Variants in DLGAP4 observed in about 807,000 individuals in gnomAD.
The protein encoded by DLGAP4 is disks large-associated protein 4.
In DLGAP4, 18 loss-of-function variants were observed where a neutral mutation model predicts 86.9. That is an observed-to-expected ratio of 0.21 (90% CI 0.14 to 0.31). The LOEUF is 0.31. Ranked by LOEUF, DLGAP4 falls within the 10% of genes least tolerant of loss-of-function variation. The pLI is 1.00. For synonymous variants in DLGAP4, 548 were observed against 574.3 expected (o/e 0.95, Z 0.65); for missense variants, 1,085 against 1,362.6 (o/e 0.80, Z 3.21).
chr20:36,500,342 G>A lies in DLGAP4; in HGVS notation c.2243G>A (p.Gly748Asp), dbSNP rs1217489147. Residue 748 changes from glycine to aspartate, a missense_variant, in exon 10 of 13, where the codon GGT (glycine) becomes GAT (aspartate). This residue lies in a region of DLGAP4 where 1,082 missense variants were observed against 1,344.1 expected (regional missense o/e 0.81). Coordinates refer to ENST00000339266, the MANE Select transcript of DLGAP4 (RefSeq NM_001365621.2). This position sits in a 1 kb window ranked among gnomAD's most constrained non-coding sequence, Gnocchi z 4.6. Reference protein sequence around the residue: ...PHPNSISIDAGPRQAPKIAQI... With the variant: ...PHPNSISIDADPRQAPKIAQI... ...CCCAACTCCATCAGCATCGATGCCGGTCCCCGGCAGGCCCCCAAGATTGCC... is the reference window on the plus strand; with the variant it reads ...CCCAACTCCATCAGCATCGATGCCGATCCCCGGCAGGCCCCCAAGATTGCC... 5 of 1,613,444 alleles carry A rather than the reference G, an allele frequency of 3.1e-6. No homozygotes were observed. Among genetic ancestry groups the A allele is most frequent in the Admixed American group, 1.7e-5 (1 of 59,906 alleles).
intron 6 of DLGAP4, among the ~76,000 whole-genome samples, chr20:36,445,361 G>A (rs565274373): frequency 6.4e-4 from 97 of 152,054 alleles, no homozygotes; most frequent in Non-Finnish European, 1.1e-3. Context: ...AAAATTAGCC[G>A]GGCATGGTGG....
chr20:36,454,745 A>T (rs904680980), intron 7 of DLGAP4, among the ~76,000 whole-genome samples: 2 of 152,210 alleles, frequency 1.3e-5, no homozygotes, highest in Non-Finnish European at 2.9e-5. Context: ...GGTCCTGTGC[A>T]GGCCGGTGGG....
chr20:36,372,409 C>A (rs943794355), intron 2 of DLGAP4, among the ~76,000 whole-genome samples: 3 of 152,142 alleles, frequency 2.0e-5, no homozygotes, highest in Non-Finnish European at 2.9e-5. Flanking sequence ...TCAGCACCAA[C>A]CCACACCCCG....
chr20:36,370,611 G>A (rs780109142), intron 2 of DLGAP4, among the ~76,000 whole-genome samples: 4 of 152,072 alleles, frequency 2.6e-5, no homozygotes, highest in African/African-American at 4.8e-5. Context: ...GAGGCCAAGA[G>A]TTCAAGACCA....
At chr20:36,480,972 C>T (rs1048920620) in intron 7 of DLGAP4, among the ~76,000 whole-genome samples, 12 of 152,100 alleles carry the variant, frequency 7.9e-5, no homozygotes, top group African/African-American at 7.2e-5. Context: ...TACCACTGCA[C>T]TCCAGCCTGG....
intron 7 of DLGAP4, among the ~76,000 whole-genome samples, chr20:36,466,620 T>A (rs1451227794): frequency 6.6e-6 from 1 of 152,244 alleles, no homozygotes; most frequent in Non-Finnish European, 1.5e-5. Context: ...TGGAATCAGC[T>A]GTGTTAACAG....
At position 36,343,619 on chromosome 20, in the gene DLGAP4, A is replaced by AC. The variant is rs148277970; in HGVS notation, c.-303-23417dup. Among the ~76,000 whole-genome samples the AC allele has an allele frequency of 5.0e-3, 744 of 149,150 alleles. 4 individuals carry two copies. The highest frequency in any genetic ancestry group is 0.013 in the African/African-American group (525 of 40,592). On this transcript the variant is annotated intron_variant, in intron 1 of 12. Transcript: ENST00000339266. ...AAATGGATTTTTGAGGCTACCAGGT[A>AC]CCCCCCCCCAACCCCCCGTTGGGTG...
intron 12 of DLGAP4, among the ~76,000 whole-genome samples, chr20:36,526,366 T>TG: frequency 6.6e-6 from 1 of 152,194 alleles, no homozygotes; most frequent in East Asian, 1.9e-4. Context: ...TCTGTGACCT[T>TG]GTGGTAGCCA....
intron 7 of DLGAP4, among the ~76,000 whole-genome samples, chr20:36,493,535 C>T (rs1028247497): frequency 3.9e-5 from 6 of 152,220 alleles, no homozygotes; most frequent in African/African-American, 1.4e-4. Flanking sequence ...GCCTCTGCCT[C>T]CGTCGAGGCC....
At chr20:36,436,940 T>C (rs1054001311) in intron 4 of DLGAP4, among the ~76,000 whole-genome samples, 2 of 152,060 alleles carry the variant, frequency 1.3e-5, no homozygotes, top group Non-Finnish European at 2.9e-5. Flanking sequence ...GAAAACCTCT[T>C]TCAGTAAGTA....
At chr20:36,387,085 G>A (rs1014230049) in intron 2 of DLGAP4, among the ~76,000 whole-genome samples, 4 of 152,136 alleles carry the variant, frequency 2.6e-5, no homozygotes, top group African/African-American at 9.7e-5. Flanking sequence ...GATTTTCTGT[G>A]TTAATAAACA....
chr20:36,389,562 C>G (rs916616974), intron 2 of DLGAP4, among the ~76,000 whole-genome samples: 2 of 152,186 alleles, frequency 1.3e-5, no homozygotes, highest in Non-Finnish European at 2.9e-5. Context: ...TCATTTTTAG[C>G]TGTGAGTCTA....
rs780315059 is a variant in DLGAP4 at position 36,499,381 on chromosome 20, G to A, written c.2011-207G>A. 1.4e-4 allele frequency: 121 copies of A among 861,360 alleles called. 1 individual carries two copies. Among genetic ancestry groups the A allele is most frequent in the Middle Eastern group, 1.0e-3 (2 of 1,940 alleles). 53.4% of individuals were successfully genotyped at this position (861,360 alleles called of 1,614,324 possible). On this transcript the variant is annotated intron_variant, in intron 8 of 12. Coordinates refer to ENST00000339266, the MANE Select transcript of DLGAP4 (RefSeq NM_001365621.2). ...CTCCCGCCCACCTGCCCGCCCGCCC[G>A]CCTGCCCGCCTCCACGCGAATGAGC...
Position 36,432,568 on chromosome 20 carries a change from C to T in DLGAP4, c.851C>T (p.Thr284Ile). 1 of 1,610,116 alleles carries T rather than the reference C, an allele frequency of 6.2e-7. No homozygotes were observed. The highest frequency in any genetic ancestry group is 8.5e-7 in the Non-Finnish European group (1 of 1,178,536). Residue 284 changes from threonine to isoleucine, a missense_variant, in exon 3 of 13, where the codon ACT (threonine) becomes ATT (isoleucine). Thr to Ile is a moderately conservative substitution (Grantham distance 89). Transcript: ENST00000339266. The surrounding 1 kb of genome is among the most constrained non-coding windows in gnomAD (Gnocchi z 6.5). ...PATCPSLGVGTDTNYVKRGSW... is the reference protein window; with the variant it reads ...PATCPSLGVGIDTNYVKRGSW... The stretch of plus-strand genomic sequence containing the variant: ...ACCTGCCCCAGCCTTGGGGTGGGCA[C>T]TGACACCAACTACGTCAAACGGGGC...
At chr20:36,447,069 G>A in intron 7 of DLGAP4, 132 bp downstream of exon 7, 1 of 1,442,672 alleles carries the variant, frequency 6.9e-7, no homozygotes, top group Non-Finnish European at 9.1e-7. Context: ...GGGATGGTTG[G>A]GAGCAAAAGC....
At chr20:36,506,313 C>T (rs2036366425) in intron 10 of DLGAP4, among the ~76,000 whole-genome samples, 1 of 152,184 alleles carries the variant, frequency 6.6e-6, no homozygotes, top group African/African-American at 2.4e-5. Flanking sequence ...TGTTTACCTG[C>T]AAAGGAAATT....
intron 2 of DLGAP4, among the ~76,000 whole-genome samples, chr20:36,371,309 G>A (rs2030923475): frequency 6.6e-6 from 1 of 152,224 alleles, no homozygotes. Context: ...CATCTCTTGA[G>A]TCTAGTCCCT....
In DLGAP4 at chr20:36,440,446, G is replaced by A. The variant is rs78998476; in HGVS notation, c.1356+578G>A. Reference sequence around the variant, plus strand: ...TCAGTGGGCAGTTGTGCTCCCAGGCGCAGCCAGCCCTGCCTGTGTCAGTGA... The same window carrying A: ...TCAGTGGGCAGTTGTGCTCCCAGGCACAGCCAGCCCTGCCTGTGTCAGTGA... On this transcript the variant is annotated intron_variant, in intron 5 of 12. Coordinates refer to ENST00000339266, the MANE Select transcript of DLGAP4 (RefSeq NM_001365621.2). 3.1e-3 allele frequency among the ~76,000 whole-genome samples: 470 copies of A among 152,240 alleles called. 1 individual carries two copies. Among genetic ancestry groups the A allele is most frequent in the Non-Finnish European group, 4.8e-3 (329 of 67,998 alleles).
chr20:36,460,362 A>T (rs2033992212), intron 7 of DLGAP4, among the ~76,000 whole-genome samples: 1 of 152,202 alleles, frequency 6.6e-6, no homozygotes, highest in African/African-American at 2.4e-5. Context: ...CTGAGATAGG[A>T]TGACCTTCAA....
Sources: allele counts gnomAD v4.1 joint callset (sites outside exome capture counted in the v4.1 genomes callset), GRCh38; gene constraint gnomAD v4.1.1; regional missense constraint gnomAD v4.1.1; non-coding constraint Gnocchi (gnomAD v3.1); transcripts MANE v1.5; gene names NCBI Gene and HGNC (gene_info 2026-07-23, HGNC 2026-07-21).